ATL2: variants seen among roughly 807,000 people sequenced by gnomAD.
ATL2 encodes atlastin-2.
ATL2 carries 31 observed loss-of-function variants against 73.9 expected under a neutral mutation model. The observed-to-expected ratio is 0.42, with a 90% confidence interval of 0.32 to 0.57. ATL2 has a LOEUF of 0.57. Ranked by LOEUF, ATL2 falls within the 20% of genes least tolerant of loss-of-function variation. The pLI, the probability that ATL2 is intolerant of heterozygous loss-of-function variation, is 0.14. For synonymous variants in ATL2, 291 were observed against 237.5 expected (o/e 1.23, Z -2.07); for missense variants, 738 against 702.6 (o/e 1.05, Z -0.57).
intron 1 of ATL2, among the ~76,000 whole-genome samples, chr2:38,357,744 A>G (rs1238884425): frequency 6.6e-6 from 1 of 152,056 alleles, no homozygotes; most frequent in Non-Finnish European, 1.5e-5. Context: ...AGGCATTAAT[A>G]GAACATACAT....
At chr2:38,343,193 T>C in intron 2 of ATL2, 75 bp downstream of exon 2, 2 of 1,201,884 alleles carry the variant, frequency 1.7e-6, no homozygotes, top group Non-Finnish European at 2.3e-6. Context: ...TAGTTCTGGT[T>C]TTTGTCTATT....
chr2:38,314,911 T>C (rs545807540), intron 5 of ATL2, among the ~76,000 whole-genome samples: 69 of 152,246 alleles, frequency 4.5e-4, no homozygotes, highest in Non-Finnish European at 8.8e-4. Context: ...AAATTCATAA[T>C]AAAGTGAGAA....
At chr2:38,325,627 TACACAC>T (rs768444431) in intron 2 of ATL2, among the ~76,000 whole-genome samples, 1,019 of 53,408 alleles carry the variant, frequency 0.019, 71 homozygotes, top group African/African-American at 0.043. Flanking sequence ...CACCAGTACA[TACACAC>T]ACACACACAC....
intron 4 of ATL2, among the ~76,000 whole-genome samples, chr2:38,317,596 T>A (rs933180421): frequency 6.6e-6 from 1 of 152,208 alleles, no homozygotes; most frequent in African/African-American, 2.4e-5. Flanking sequence ...AAACATTAAG[T>A]AATTACTCTG....
At chr2:38,376,075 A>G in intron 1 of ATL2, 1 of 1,416,240 alleles carries the variant, frequency 7.1e-7, no homozygotes, top group Non-Finnish European at 9.3e-7. Flanking sequence ...ACGAGCTCGT[A>G]TCTGTATTTA....
chr2:38,300,535 T>A (rs1464008587), intron 9 of ATL2: 1 of 399,126 alleles, frequency 2.5e-6, no homozygotes, highest in Admixed American at 4.1e-5. Context: ...GGTATTTCTA[T>A]AACAAATATA....
intron 1 of ATL2, among the ~76,000 whole-genome samples, chr2:38,375,855 A>C (rs1193620595): frequency 1.3e-5 from 2 of 152,180 alleles, no homozygotes; most frequent in South Asian, 2.1e-4. Flanking sequence ...GACAATAATA[A>C]AATAAGCTTT....
chr2:38,298,879 G>C (rs781623273), intron 11 of ATL2, among the ~76,000 whole-genome samples: 1 of 152,176 alleles, frequency 6.6e-6, no homozygotes, highest in Non-Finnish European at 1.5e-5. Flanking sequence ...TTGCTGGCAA[G>C]AGAACGGGTA....
At chr2:38,308,244 T>C (rs1200881116) in intron 9 of ATL2, among the ~76,000 whole-genome samples, 1 of 152,210 alleles carries the variant, frequency 6.6e-6, no homozygotes, top group African/African-American at 2.4e-5. Context: ...ATGTGGTACA[T>C]ATACACGATG....
intron 1 of ATL2, among the ~76,000 whole-genome samples, chr2:38,376,870 C>CGGGCAGG (rs918197335): frequency 2.0e-5 from 3 of 150,490 alleles, no homozygotes; most frequent in Non-Finnish European, 4.5e-5. Flanking sequence ...GGCGGGCTGG[C>CGGGCAGG]GGGCAGGGGG....
At chr2:38,375,876 C>T (rs1031175402) in intron 1 of ATL2, among the ~76,000 whole-genome samples, 4 of 152,186 alleles carry the variant, frequency 2.6e-5, no homozygotes, top group African/African-American at 9.6e-5. Context: ...ATTTCCTTTT[C>T]TTCTTCCCTT....
At chr2:38,310,531 A>C (rs1183109434) in intron 7 of ATL2, 84 bp from the exon 8 acceptor site, 4 of 1,170,878 alleles carry the variant, frequency 3.4e-6, no homozygotes, top group Non-Finnish European at 4.7e-6. Flanking sequence ...TCGCATGCAC[A>C]CTATGCACAC....
chr2:38,302,020 G>T lies in ATL2; in HGVS notation c.1072-1692C>A, dbSNP rs558105537. ...CAGCCAAAGTAGAATGCGGCATAAG[G>T]CAGAGCCCTAAGGCCCCAATTTCAG... On this transcript the variant is annotated intron_variant, in intron 9 of 12. Transcript: ENST00000378954. 5.3e-5 allele frequency among the ~76,000 whole-genome samples: 8 copies of T among 152,282 alleles called. No homozygotes were observed. The South Asian group carries it at 1.7e-3, about 32-fold the overall frequency.
At chr2:38,366,406 CTCTA>C (rs1225894184) in intron 1 of ATL2, among the ~76,000 whole-genome samples, 3 of 152,056 alleles carry the variant, frequency 2.0e-5, no homozygotes, top group South Asian at 4.1e-4. Context: ...TTTCAGTTGC[CTCTA>C]TCTAATTGCT....
At chr2:38,308,816 TA>T (rs1167634618) in intron 9 of ATL2, among the ~76,000 whole-genome samples, 1 of 151,654 alleles carries the variant, frequency 6.6e-6, no homozygotes, top group African/African-American at 2.4e-5. Context: ...AATATGAGAG[TA>T]ACTATCAAGT....
intron 1 of ATL2, among the ~76,000 whole-genome samples, chr2:38,373,569 T>C (rs1671803270): frequency 6.6e-6 from 1 of 152,222 alleles, no homozygotes; most frequent in Admixed American, 6.5e-5. Context: ...TTCTAGTAAC[T>C]ATCATCCGAC....
chr2:38,345,217 G>A (rs1315896410), intron 1 of ATL2, among the ~76,000 whole-genome samples: 1 of 152,116 alleles, frequency 6.6e-6, no homozygotes, highest in African/African-American at 2.4e-5. Flanking sequence ...GACACATACG[G>A]TATCCACTGT....
chr2:38,337,596 G>A (rs1669444490), intron 2 of ATL2, among the ~76,000 whole-genome samples: 1 of 143,488 alleles, frequency 7.0e-6, no homozygotes, highest in African/African-American at 2.6e-5. Context: ...TTATTGTAAT[G>A]TTCAAAAAAG....
upstream of ATL2, chr2:38,377,387 C>G (rs1463771731): frequency 1.4e-6 from 1 of 728,730 alleles, no homozygotes; most frequent in South Asian, 1.9e-5. Flanking sequence ...TCCTCGCCCT[C>G]CGCCTGTATC....
Sources: allele counts gnomAD v4.1 joint callset (sites outside exome capture counted in the v4.1 genomes callset), GRCh38; gene constraint gnomAD v4.1.1; transcripts MANE v1.5; gene names NCBI Gene and HGNC (gene_info 2026-07-23, HGNC 2026-07-21).